ATP11C: variants seen among roughly 807,000 people sequenced by gnomAD.
ATP11C encodes phospholipid-transporting ATPase IG.
ATP11C carries 36 observed loss-of-function variants against 97.4 expected under a neutral mutation model. That is an observed-to-expected ratio of 0.37 (90% CI 0.28 to 0.49). The LOEUF (loss-of-function observed/expected upper bound fraction) is 0.49, where lower values mean the gene tolerates loss of function less well. ATP11C is among the 20% of genes least tolerant of loss of function. The pLI is 0.98. For synonymous variants in ATP11C, 275 were observed against 290.9 expected, an observed-to-expected ratio of 0.95 and a Z score of 0.56; for missense variants, 730 against 824.6, an observed-to-expected ratio of 0.89 and a Z score of 1.40.
At chrX:139,918,191 C>T (rs2085187016) in intron 1 of ATP11C, among the ~76,000 whole-genome samples, 1 of 111,638 alleles carries the variant, frequency 9.0e-6, no homozygotes, top group East Asian at 2.8e-4. Flanking sequence ...GAGATATTTG[C>T]ACACTGATGT....
At chrX:139,802,880 G>A (rs1018398986) in intron 6 of ATP11C, among the ~76,000 whole-genome samples, 5 of 111,803 alleles carry the variant, frequency 4.5e-5, no homozygotes, top group African/African-American at 1.6e-4. Context: ...TGTACAAGGG[G>A]CAGGGAGATG....
At chrX:139,799,297 G>A (rs1344539064) in intron 8 of ATP11C, among the ~76,000 whole-genome samples, 1 of 111,435 alleles carries the variant, frequency 9.0e-6, no homozygotes, top group Non-Finnish European at 1.9e-5. Context: ...TAAATTGTAT[G>A]AAGGCTGATA....
At chrX:139,919,741 G>C (rs779983531) in intron 1 of ATP11C, among the ~76,000 whole-genome samples, 62 of 110,910 alleles carry the variant, frequency 5.6e-4, no homozygotes, top group African/African-American at 2.0e-3. Flanking sequence ...CCAATATGGT[G>C]AAACCCCATA....
intron 1 of ATP11C, among the ~76,000 whole-genome samples, chrX:139,855,227 C>T (rs2084070057): frequency 9.0e-6 from 1 of 111,594 alleles, no homozygotes; most frequent in Non-Finnish European, 1.9e-5. Flanking sequence ...TAAGAAGGCA[C>T]CAAGGACTAT....
At chrX:139,838,640 T>C (rs1383335503) in intron 1 of ATP11C, among the ~76,000 whole-genome samples, 4 of 112,493 alleles carry the variant, frequency 3.6e-5, no homozygotes, top group Non-Finnish European at 5.6e-5. Flanking sequence ...TGCATGATCA[T>C]AGCAGAACTA....
In ATP11C at chrX:139,863,548, T is replaced by TA. The variant is rs934830292; in HGVS notation, c.28-36726dup. ...ACTCTGCCTCAAAATTAAAATAAAA[T>TA]AAAAAATAAATAAAATAAAATAGCA... On this transcript the variant is annotated intron_variant, in intron 1 of 29. Transcript: ENST00000682941. Among the ~76,000 whole-genome samples the TA allele has an allele frequency of 8.8e-4, 96 of 109,325 alleles. 1 individual carries two copies. Among genetic ancestry groups the TA allele is most frequent in the African/African-American group, 3.0e-3 (90 of 30,087 alleles). The allele number at this position is 109,325 out of a possible 115,157, so 94.9% of individuals were successfully genotyped here.
chrX:139,763,103 C>G (rs771730263), intron 21 of ATP11C, among the ~76,000 whole-genome samples: 1 of 112,533 alleles, frequency 8.9e-6, no homozygotes, highest in Non-Finnish European at 1.9e-5. Flanking sequence ...TATCCTTTAA[C>G]TTTGTTACAT....
chrX:139,796,199 T>G (rs754236771), intron 12 of ATP11C, 74 bp downstream of exon 12: 8 of 796,121 alleles, frequency 1.0e-5, no homozygotes, highest in Non-Finnish European at 1.4e-5. Flanking sequence ...GTCACATATA[T>G]TGGTAATCCA....
intron 1 of ATP11C, among the ~76,000 whole-genome samples, chrX:139,884,381 A>G (rs1172363543): frequency 8.9e-6 from 1 of 112,367 alleles, no homozygotes; most frequent in African/African-American, 3.2e-5. Flanking sequence ...AAGGGACTAA[A>G]GTTAGCTAGC....
chrX:139,836,859 C>T (rs2083757480), intron 1 of ATP11C, among the ~76,000 whole-genome samples: 1 of 111,551 alleles, frequency 9.0e-6, no homozygotes, highest in Non-Finnish European at 1.9e-5. Flanking sequence ...GAATGAAATC[C>T]ATTTCCCAGC....
intron 7 of ATP11C, among the ~76,000 whole-genome samples, 172 bp downstream of exon 7, chrX:139,802,064 T>C (rs2082937434): frequency 9.0e-6 from 1 of 111,551 alleles, no homozygotes; most frequent in Non-Finnish European, 1.9e-5. Context: ...TTATTCTGGG[T>C]TGATAGTGAA....
intron 1 of ATP11C, among the ~76,000 whole-genome samples, chrX:139,838,241 C>A (rs760126052): frequency 9.0e-5 from 10 of 111,708 alleles, no homozygotes; most frequent in South Asian, 3.7e-4. Context: ...CTGTTGGACT[C>A]AAATTTTATG....
chrX:139,775,006 T>C, intron 18 of ATP11C, 53 bp from the exon 19 acceptor site: 1 of 1,112,239 alleles, frequency 9.0e-7, no homozygotes, highest in Non-Finnish European at 1.2e-6. Context: ...ACAAAGATTC[T>C]ACAGGAAGGC....
chrX:139,885,038 C>G (rs918955800), intron 1 of ATP11C, among the ~76,000 whole-genome samples: 1 of 111,198 alleles, frequency 9.0e-6, no homozygotes, highest in Non-Finnish European at 1.9e-5. Flanking sequence ...AGCTGAGATA[C>G]AAATCACGAT....
chrX:139,875,006 A>T (rs1446401161), intron 1 of ATP11C, among the ~76,000 whole-genome samples: 1 of 111,529 alleles, frequency 9.0e-6, no homozygotes, highest in African/African-American at 3.3e-5. Context: ...CCTTGATGGA[A>T]GAGCATACTA....
chrX:139,825,065 C>T (rs2083497980), intron 2 of ATP11C, among the ~76,000 whole-genome samples: 1 of 111,263 alleles, frequency 9.0e-6, no homozygotes, highest in Admixed American at 9.6e-5. Flanking sequence ...CCCACACATT[C>T]AAAACACATG....
intron 7 of ATP11C, 51 bp from the exon 8 acceptor site, chrX:139,800,161 C>T (rs371858425): frequency 2.2e-6 from 2 of 902,045 alleles, no homozygotes; most frequent in African/African-American, 4.0e-5. Context: ...AGGTGAAATC[C>T]ATGTACCAGA....
chrX:139,804,686 A>C (rs2083004128), intron 5 of ATP11C, 87 bp from the exon 6 acceptor site: 2 of 759,757 alleles, frequency 2.6e-6, no homozygotes, highest in Non-Finnish European at 3.8e-6. Context: ...TTAGCAAGAG[A>C]TTATCTCTAG....
At chrX:139,930,052 C>G (rs1383496261) in intron 1 of ATP11C, among the ~76,000 whole-genome samples, 1 of 111,808 alleles carries the variant, frequency 8.9e-6, no homozygotes, top group Admixed American at 9.6e-5. Flanking sequence ...TGATACTTAC[C>G]ACAGTCATGG....
Sources: gnomAD v4.1 joint callset for allele counts (sites outside exome capture counted in the v4.1 genomes callset) on GRCh38, gnomAD v4.1.1 for gene constraint, MANE v1.5 for transcripts, NCBI Gene and HGNC (gene_info 2026-07-23, HGNC 2026-07-21) for gene names.